SLC23A2: variants seen among roughly 807,000 people sequenced by gnomAD.
SLC23A2 encodes Na(+)/L-ascorbic acid transporter 2.
SLC23A2 carries 36 observed loss-of-function variants against 73.3 expected under a neutral mutation model. The ratio of observed to expected loss-of-function variants is 0.49; its 90% CI spans 0.38 to 0.65. The LOEUF (loss-of-function observed/expected upper bound fraction) is 0.65. Among genes scored for constraint, SLC23A2 ranks in the 30% least tolerant of loss-of-function variants. SLC23A2 has a pLI of 0.00. For synonymous variants in SLC23A2, 343 were observed against 327.3 expected (o/e 1.05, Z -0.52); for missense variants, 507 against 841.6 (o/e 0.60, Z 4.92).
intron 3 of SLC23A2, 84 bp from the exon 4 acceptor site, chr20:4,913,062 A>G: frequency 1.2e-6 from 1 of 864,920 alleles, no homozygotes; most frequent in East Asian, 2.4e-5. Flanking sequence ...TCTCCTGGTG[A>G]GTGCATGACC....
intron 1 of SLC23A2, among the ~76,000 whole-genome samples, chr20:4,990,971 C>CA (rs1198847840): frequency 0.3 from 16,964 of 56,232 alleles, 1,717 homozygotes; most frequent in Middle Eastern, 0.45. Flanking sequence ...AACTCCATCT[C>CA]AAAAAAAAAA....
chr20:4,899,827 T>C lies in SLC23A2; in HGVS notation c.325-115A>G. The C allele has an allele frequency of 1.8e-6, 2 of 1,096,582 alleles. No individual in the cohort carries two copies. The highest frequency in any genetic ancestry group is 3.2e-5 in the African/African-American group (2 of 63,288). 67.9% of individuals were successfully genotyped at this position (1,096,582 alleles called of 1,614,324 possible). A position where few individuals can be genotyped will look rare whatever the true frequency, so the allele number is the denominator to read the frequency against. ...TAAAAAATAGCCCACATAAAGAATC[T>C]CCTTGGTTTTTCGACCAAGCCATAC... On this transcript the variant is annotated intron_variant, in intron 5 of 16. Coordinates refer to ENST00000338244, the MANE Select transcript of SLC23A2 (RefSeq NM_005116.6). This position sits in a 1 kb window ranked among gnomAD's most constrained non-coding sequence, Gnocchi z 4.9.
intron 5 of SLC23A2, among the ~76,000 whole-genome samples, chr20:4,901,238 G>T (rs138158483): frequency 6.6e-6 from 1 of 152,050 alleles, no homozygotes; most frequent in South Asian, 2.1e-4. Context: ...TACCTGAAAC[G>T]GGGTGAGGGA....
At chr20:4,897,459 G>A (rs2122862031) in intron 6 of SLC23A2, among the ~76,000 whole-genome samples, 1 of 152,326 alleles carries the variant, frequency 6.6e-6, no homozygotes, top group South Asian at 2.1e-4. Context: ...AAGAAAGGCT[G>A]CTTTCACCCA....
upstream of SLC23A2, among the ~76,000 whole-genome samples, chr20:5,001,675 C>T (rs933054032): frequency 6.6e-6 from 1 of 150,942 alleles, no homozygotes; most frequent in Non-Finnish European, 1.5e-5. Context: ...TCCCGGGCCT[C>T]GCACCCAGCC....
intron 3 of SLC23A2, among the ~76,000 whole-genome samples, chr20:4,928,396 ATTCC>A (rs1437367029): frequency 6.6e-6 from 1 of 152,078 alleles, no homozygotes; most frequent in African/African-American, 2.4e-5. Context: ...CCCACAAACT[ATTCC>A]TTTGTAAACA....
intron 6 of SLC23A2, among the ~76,000 whole-genome samples, chr20:4,893,257 G>GTC (rs1931398166): frequency 6.6e-6 from 1 of 151,988 alleles, no homozygotes; most frequent in African/African-American, 2.4e-5. Context: ...TAGAGACAAG[G>GTC]TCTCACTATG....
At chr20:4,906,077 T>G (rs922382494) in intron 4 of SLC23A2, among the ~76,000 whole-genome samples, 1 of 152,192 alleles carries the variant, frequency 6.6e-6, no homozygotes, top group African/African-American at 2.4e-5. Context: ...GTGGCTCATG[T>G]CTATAATTCC....
chr20:4,958,575 C>T (rs2087328904), intron 2 of SLC23A2, among the ~76,000 whole-genome samples: 3 of 150,604 alleles, frequency 2.0e-5, no homozygotes, highest in Admixed American at 6.6e-5. Flanking sequence ...TTTTTGAGAC[C>T]GGGTTATGAG....
At chr20:5,004,429 A>G (rs766635058), upstream of SLC23A2, among the ~76,000 whole-genome samples, 3 of 152,304 alleles carry the variant, frequency 2.0e-5, no homozygotes, top group Non-Finnish European at 4.4e-5. Context: ...CCATCGAAAA[A>G]GTTTCTCTCT....
chr20:4,867,660 A>AT (rs879214996), intron 13 of SLC23A2, 110 bp downstream of exon 13: 2 of 487,328 alleles, frequency 4.1e-6, no homozygotes, highest in Admixed American at 4.0e-5. Flanking sequence ...GAGAGAAGTA[A>AT]TTTTTTAGAA....
intron 1 of SLC23A2, among the ~76,000 whole-genome samples, chr20:4,971,648 G>C (rs187777103): frequency 1.3e-5 from 2 of 150,564 alleles, no homozygotes; most frequent in Admixed American, 6.6e-5. Flanking sequence ...TTATCTCGTC[G>C]TGGTGGCACA....
chr20:4,917,123 C>T (rs1273242229), intron 3 of SLC23A2, among the ~76,000 whole-genome samples: 4 of 152,264 alleles, frequency 2.6e-5, no homozygotes, highest in Admixed American at 6.5e-5. Context: ...CTGAGTGCCC[C>T]GCCAAGGAAT....
chr20:4,994,811 G>T (rs561388339), intron 1 of SLC23A2, among the ~76,000 whole-genome samples: 1 of 151,402 alleles, frequency 6.6e-6, no homozygotes, highest in Non-Finnish European at 1.5e-5. Flanking sequence ...TGCAGTGACC[G>T]TAATCCCAAC....
chr20:4,984,792 A>G (rs1440067859), intron 1 of SLC23A2, among the ~76,000 whole-genome samples: 1 of 152,140 alleles, frequency 6.6e-6, no homozygotes, highest in Non-Finnish European at 1.5e-5. Context: ...GAACCCTCAT[A>G]TAATTCTGGA....
intron 9 of SLC23A2, among the ~76,000 whole-genome samples, chr20:4,878,723 T>TC (rs2122815748): frequency 6.6e-6 from 1 of 152,326 alleles, no homozygotes; most frequent in East Asian, 1.9e-4. Flanking sequence ...AATTAGTTTT[T>TC]CCTACATAAT....
At chr20:4,991,763 C>CACACACAA (rs2087929064) in intron 1 of SLC23A2, among the ~76,000 whole-genome samples, 1 of 138,438 alleles carries the variant, frequency 7.2e-6, no homozygotes, top group Admixed American at 7.2e-5. Flanking sequence ...CACACACACA[C>CACACACAA]AAAAGTAATC....
chr20:4,866,297 C>T (rs1449072196), intron 13 of SLC23A2, among the ~76,000 whole-genome samples: 1 of 152,152 alleles, frequency 6.6e-6, no homozygotes. Flanking sequence ...AATATTAGTT[C>T]AGAAACAATA....
chr20:4,889,026 C>T (rs1003179596), intron 6 of SLC23A2, among the ~76,000 whole-genome samples: 16 of 152,208 alleles, frequency 1.1e-4, no homozygotes, highest in African/African-American at 3.6e-4. Flanking sequence ...ATAAATGATT[C>T]TTGGATATCT....
Sources: gnomAD v4.1 joint callset for allele counts (sites outside exome capture counted in the v4.1 genomes callset) on GRCh38, gnomAD v4.1.1 for gene constraint, Gnocchi (gnomAD v3.1) non-coding constraint, MANE v1.5 for transcripts, NCBI Gene and HGNC (gene_info 2026-07-23, HGNC 2026-07-21) for gene names.